Variants in ZNF521 observed in about 807,000 individuals in gnomAD.
ZNF521 encodes zinc finger protein 521.
In ZNF521, 14 loss-of-function variants were observed where a neutral mutation model predicts 105.5. The ratio of observed to expected loss-of-function variants is 0.13; its 90% CI spans 0.09 to 0.21. The LOEUF is 0.21. Among genes scored for constraint, ZNF521 ranks in the 10% least tolerant of loss-of-function variants. The pLI, the probability that ZNF521 is intolerant of heterozygous loss-of-function variation, is 1.00. For synonymous variants in ZNF521, 635 were observed against 606.0 expected, an observed-to-expected ratio of 1.05 and a Z score of -0.70; for missense variants, 1,233 against 1,629.7, an observed-to-expected ratio of 0.76 and a Z score of 4.19.
intron 3 of ZNF521, among the ~76,000 whole-genome samples, chr18:25,286,889 C>T (rs1288507712): frequency 6.6e-6 from 1 of 152,166 alleles, no homozygotes; most frequent in Non-Finnish European, 1.5e-5. Flanking sequence ...AATGAAAGCA[C>T]ATACAAGGGT....
At chr18:25,157,447 T>C (rs2035167889) in intron 5 of ZNF521, among the ~76,000 whole-genome samples, 1 of 152,198 alleles carries the variant, frequency 6.6e-6, no homozygotes, top group African/African-American at 2.4e-5. Context: ...ATTAAGAGTG[T>C]TCTTTTACTT....
In ZNF521 at chr18:25,318,172, G is replaced by A. The variant is rs780621795; in HGVS notation, c.220+3836C>T. Among the ~76,000 whole-genome samples, 34 of 152,158 alleles carry A rather than the reference G, an allele frequency of 2.2e-4. 1 individual carries two copies. The highest frequency in any genetic ancestry group is 4.1e-4 in the Non-Finnish European group (28 of 67,994). On this transcript the variant is annotated intron_variant, in intron 3 of 7. Coordinates refer to ENST00000361524, the MANE Select transcript of ZNF521 (RefSeq NM_015461.3). ...ACTTATATACACAACAATATGAATG[G>A]ATCTCATAGACATTATGCTGAACAA... is the stretch of plus-strand genomic sequence containing the variant.
intron 5 of ZNF521, among the ~76,000 whole-genome samples, chr18:25,100,303 C>A (rs910084712): frequency 2.6e-5 from 4 of 152,024 alleles, no homozygotes; most frequent in African/African-American, 9.7e-5. Flanking sequence ...TCCTTGACAA[C>A]CATGGGTTTT....
rs374764901 is a variant in ZNF521 at position 25,095,350 on chromosome 18, G to T, written c.3659-3269C>A. On this transcript the variant is annotated intron_variant, in intron 5 of 7. Coordinates refer to ENST00000361524, the MANE Select transcript of ZNF521 (RefSeq NM_015461.3). ...TCAAAATAACCAATTCTGCTCTCTGGAAAGGTAGCAGCTGACAGTAATTGG... is the reference window on the plus strand; with the variant it reads ...TCAAAATAACCAATTCTGCTCTCTGTAAAGGTAGCAGCTGACAGTAATTGG... Among the ~76,000 whole-genome samples the T allele has an allele frequency of 3.4e-4, 51 of 152,152 alleles. No individual in the cohort carries two copies. In the South Asian group the frequency reaches 0.011, roughly 32 times the overall value.
intron 3 of ZNF521, among the ~76,000 whole-genome samples, chr18:25,261,645 C>T (rs965058835): frequency 6.6e-6 from 1 of 151,902 alleles, no homozygotes; most frequent in Non-Finnish European, 1.5e-5. Flanking sequence ...TCTATTTTTT[C>T]TCTCTGTGTA....
intron 3 of ZNF521, among the ~76,000 whole-genome samples, chr18:25,320,006 G>GATTT (rs959457646): frequency 6.6e-6 from 1 of 152,148 alleles, no homozygotes; most frequent in African/African-American, 2.4e-5. Flanking sequence ...GAGGCTGAGA[G>GATTT]AACATTCCAG....
At chr18:25,116,960 T>C (rs1468970725) in intron 5 of ZNF521, among the ~76,000 whole-genome samples, 4 of 108,488 alleles carry the variant, frequency 3.7e-5, no homozygotes, top group Admixed American at 9.0e-5. Context: ...TATATGTATA[T>C]ATGTATATAT....
intron 5 of ZNF521, among the ~76,000 whole-genome samples, chr18:25,128,783 C>G (rs78871162): frequency 0.011 from 1,710 of 152,002 alleles, 20 homozygotes; most frequent in African/African-American, 0.038. Flanking sequence ...CTACAAAACT[C>G]TGATGCAAGA....
intron 5 of ZNF521, among the ~76,000 whole-genome samples, chr18:25,137,448 T>C (rs146346778): frequency 0.011 from 1,733 of 152,226 alleles, 35 homozygotes; most frequent in African/African-American, 0.039. Flanking sequence ...AGTTCCTAAC[T>C]GTATTATCAG....
At chr18:25,177,814 C>T (rs1245815544) in intron 5 of ZNF521, among the ~76,000 whole-genome samples, 1 of 152,186 alleles carries the variant, frequency 6.6e-6, no homozygotes, top group African/African-American at 2.4e-5. Context: ...GAAGAGTTGG[C>T]AATGACCTCA....
intron 2 of ZNF521, among the ~76,000 whole-genome samples, chr18:25,346,374 G>T (rs1914465980): frequency 6.6e-6 from 1 of 152,012 alleles, no homozygotes; most frequent in South Asian, 2.1e-4. Flanking sequence ...AATAAGGACT[G>T]CAGAGTTTAA....
intron 5 of ZNF521, among the ~76,000 whole-genome samples, chr18:25,170,768 A>G (rs958993253): frequency 6.6e-6 from 1 of 152,146 alleles, no homozygotes; most frequent in Non-Finnish European, 1.5e-5. Context: ...TAAAGGTAAG[A>G]CTGATCATAC....
At chr18:25,329,317 C>T (rs1436556010) in intron 2 of ZNF521, among the ~76,000 whole-genome samples, 3 of 152,078 alleles carry the variant, frequency 2.0e-5, no homozygotes, top group African/African-American at 7.2e-5. Context: ...CACTTTTCTG[C>T]ATATGTTATT....
intron 3 of ZNF521, among the ~76,000 whole-genome samples, chr18:25,269,521 A>G (rs1909500205): frequency 6.6e-6 from 1 of 152,224 alleles, no homozygotes; most frequent in Non-Finnish European, 1.5e-5. Flanking sequence ...TTATTCTATA[A>G]TTGACCACAT....
chr18:25,250,200 A>G (rs1908018142), intron 3 of ZNF521, among the ~76,000 whole-genome samples: 1 of 151,830 alleles, frequency 6.6e-6, no homozygotes, highest in East Asian at 1.9e-4. Flanking sequence ...AAAATGTAAA[A>G]TCATTTTTCA....
chr18:25,108,271 T>C (rs2034113296), intron 5 of ZNF521, among the ~76,000 whole-genome samples: 1 of 152,120 alleles, frequency 6.6e-6, no homozygotes, highest in Non-Finnish European at 1.5e-5. Context: ...GCACTGAAAA[T>C]TGCATTTTTT....
At chr18:25,065,056 TCAA>T (rs1309675670) in intron 7 of ZNF521, among the ~76,000 whole-genome samples, 2 of 152,174 alleles carry the variant, frequency 1.3e-5, no homozygotes, top group Non-Finnish European at 2.9e-5. Context: ...TTCTGAAAAA[TCAA>T]CATGATTCTG....
At chr18:25,292,752 G>A (rs976437246) in intron 3 of ZNF521, among the ~76,000 whole-genome samples, 1 of 152,176 alleles carries the variant, frequency 6.6e-6, no homozygotes, top group Admixed American at 6.5e-5. Flanking sequence ...TTACTGGACT[G>A]CAATTAATTC....
At chr18:25,088,516 GC>G (rs1437086369) in intron 7 of ZNF521, among the ~76,000 whole-genome samples, 3 of 151,976 alleles carry the variant, frequency 2.0e-5, no homozygotes, top group Non-Finnish European at 4.4e-5. Flanking sequence ...ACCGTGCCCG[GC>G]CAACAGAATA....
Sources: allele counts gnomAD v4.1 joint callset (sites outside exome capture counted in the v4.1 genomes callset), GRCh38; gene constraint gnomAD v4.1.1; transcripts MANE v1.5; gene names NCBI Gene and HGNC (gene_info 2026-07-23, HGNC 2026-07-21).